Variants in CSNK1G1 observed in about 807,000 individuals in gnomAD.
CSNK1G1 encodes casein kinase I isoform gamma-1.
CSNK1G1 carries 22 observed loss-of-function variants against 59.6 expected under a neutral mutation model. That is an observed-to-expected ratio of 0.37 (90% CI 0.26 to 0.53). CSNK1G1 has a LOEUF of 0.53. Ranked by LOEUF, CSNK1G1 falls within the 20% of genes least tolerant of loss-of-function variation. The probability of loss-of-function intolerance (pLI) is 0.89; values close to 1 mark genes in which losing one functional copy is unlikely to be tolerated. For synonymous variants in CSNK1G1, 179 were observed against 177.1 expected (o/e 1.01, Z -0.08); for missense variants, 384 against 519.5 (o/e 0.74, Z 2.54).
At chr15:64,231,545 G>A (rs1309181031) in intron 4 of CSNK1G1, among the ~76,000 whole-genome samples, 2 of 151,238 alleles carry the variant, frequency 1.3e-5, no homozygotes, top group African/African-American at 4.9e-5. Context: ...ACCCAAGTGG[G>A]ATGCTCAAGA....
At chr15:64,339,479 A>C (rs1393162082) in intron 1 of CSNK1G1, among the ~76,000 whole-genome samples, 2 of 152,010 alleles carry the variant, frequency 1.3e-5, no homozygotes, top group East Asian at 1.9e-4. Context: ...CGCCCGGCTA[A>C]TTTCTGTATT....
intron 2 of CSNK1G1, among the ~76,000 whole-genome samples, chr15:64,278,434 T>A (rs571618485): frequency 0.015 from 1,975 of 130,142 alleles, 21 homozygotes; most frequent in Non-Finnish European, 0.019. Context: ...ATATATATAT[T>A]TTTTTTTTTT....
chr15:64,279,443 C>G (rs974457293), intron 2 of CSNK1G1, among the ~76,000 whole-genome samples: 1 of 152,126 alleles, frequency 6.6e-6, no homozygotes, highest in African/African-American at 2.4e-5. Context: ...CATGCACTTT[C>G]TTGCATGCAT....
chr15:64,231,896 T>A (rs2140292981), intron 4 of CSNK1G1, among the ~76,000 whole-genome samples: 1 of 152,290 alleles, frequency 6.6e-6, no homozygotes, highest in East Asian at 1.9e-4. Flanking sequence ...GCTCAGTAAA[T>A]ATTACATTTT....
chr15:64,299,198 G>T (rs539730340), intron 2 of CSNK1G1, among the ~76,000 whole-genome samples: 2 of 151,614 alleles, frequency 1.3e-5, no homozygotes, highest in South Asian at 4.2e-4. Context: ...TAGCCTAAAA[G>T]ATGACCTTTC....
intron 2 of CSNK1G1, among the ~76,000 whole-genome samples, chr15:64,262,758 T>C (rs1370242581): frequency 2.0e-5 from 3 of 152,162 alleles, no homozygotes; most frequent in Non-Finnish European, 4.4e-5. Flanking sequence ...TACTATATTA[T>C]AGAAATTGTG....
At chr15:64,283,057 G>A (rs1482253378) in intron 2 of CSNK1G1, among the ~76,000 whole-genome samples, 1 of 152,156 alleles carries the variant, frequency 6.6e-6, no homozygotes, top group Non-Finnish European at 1.5e-5. Flanking sequence ...ATAGGGTGCA[G>A]TGTACACTGC....
At chr15:64,250,090 C>A (rs1317597126) in intron 4 of CSNK1G1, among the ~76,000 whole-genome samples, 1 of 152,108 alleles carries the variant, frequency 6.6e-6, no homozygotes, top group African/African-American at 2.4e-5. Flanking sequence ...AATAACTTAA[C>A]AACATTATAA....
At position 64,204,706 on chromosome 15, in the gene CSNK1G1, T is replaced by A. The variant is rs191257409; in HGVS notation, c.851-117A>T. ...TACAGACAATTTGACACTGATGTTT[T>A]CTTTACTGACAAAATAAAAGTGATA... On this transcript the variant is annotated intron_variant, in intron 8 of 11. Transcript: ENST00000303052. 2.4e-6 allele frequency: 3 copies of A among 1,257,658 alleles called. No homozygotes were observed. In the African/African-American group the frequency reaches 4.5e-5, roughly 19 times the overall value. The allele number at this position is 1,257,658 out of a possible 1,614,324, so 77.9% of individuals were successfully genotyped here. A position where few individuals can be genotyped will look rare whatever the true frequency, so the allele number is the denominator to read the frequency against.
chr15:64,210,960 C>G lies in CSNK1G1; in HGVS notation c.679+2930G>C, dbSNP rs922006955. Among the ~76,000 whole-genome samples, 66 of 152,298 alleles carry G rather than the reference C, an allele frequency of 4.3e-4. No individual in the cohort carries two copies. Among genetic ancestry groups the G allele is most frequent in the African/African-American group, 1.5e-3 (62 of 41,554 alleles). ...CCCCTTCCCATGTGATCTGCACATG[C>G]TGGCTGCTCCCCTTCCCCTTACACC... is the stretch of plus-strand genomic sequence containing the variant. On this transcript the variant is annotated intron_variant, in intron 6 of 11. Coordinates refer to ENST00000303052, the MANE Select transcript of CSNK1G1 (RefSeq NM_022048.5). This position sits in a 1 kb window ranked among gnomAD's most constrained non-coding sequence, Gnocchi z 4.2.
Position 64,180,441 on chromosome 15 carries a change from G to A in CSNK1G1, c.1121C>T (p.Thr374Ile), listed in dbSNP as rs1474962025. The A allele has an allele frequency of 6.2e-7, 1 of 1,613,950 alleles. No homozygotes were observed. The highest frequency in any genetic ancestry group is 1.7e-5 in the Admixed American group (1 of 60,014). The change falls in exon 11 of 12, where the codon ACC becomes ATC. Residue 374 changes from threonine (T) to isoleucine (I), a missense_variant. Around this residue, in one of 3 missense-constraint regions of CSNK1G1, gnomAD observed 325 missense variants for 440.9 expected, o/e 0.74. Coordinates refer to ENST00000303052, the MANE Select transcript of CSNK1G1 (RefSeq NM_022048.5). ...QPLRNQVVSS[T>I]NGELNVDDPT... ...ATCATCAACATTCAGCTCTCCATTG[G>A]TTGAGCTAACCACCTGAAACAGAAA...
At chr15:64,207,009 G>C (rs1381836731) in intron 7 of CSNK1G1, among the ~76,000 whole-genome samples, 3 of 152,098 alleles carry the variant, frequency 2.0e-5, no homozygotes, top group African/African-American at 7.2e-5. Context: ...TACATACTGG[G>C]AACACTCCTC....
chr15:64,262,245 G>A (rs1485288302), intron 2 of CSNK1G1, among the ~76,000 whole-genome samples: 1 of 152,160 alleles, frequency 6.6e-6, no homozygotes, highest in Non-Finnish European at 1.5e-5. Flanking sequence ...GGTCTTGTAT[G>A]TGGTGGCTCA....
Position 64,300,691 on chromosome 15 carries a change from C to G in CSNK1G1, c.-192G>C, listed in dbSNP as rs1895279681. 3.9e-6 allele frequency: 5 copies of G among 1,269,052 alleles called. No individual in the cohort carries two copies. The South Asian group carries it at 1.3e-4, about 33-fold the overall frequency. 78.6% of individuals were successfully genotyped at this position (1,269,052 alleles called of 1,614,324 possible). A position where few individuals can be genotyped will look rare whatever the true frequency, so the allele number is the denominator to read the frequency against. ...TTTGTTCCCGTAGGAAATGTAGTCA[C>G]TAGGTCTCAATCTTAGGTGAACATC... On this transcript the variant is annotated 5_prime_UTR_variant, in exon 2 of 12. Coordinates refer to ENST00000303052, the MANE Select transcript of CSNK1G1 (RefSeq NM_022048.5).
intron 4 of CSNK1G1, among the ~76,000 whole-genome samples, chr15:64,218,916 G>A (rs1056411085): frequency 1.9e-4 from 27 of 141,490 alleles, no homozygotes; most frequent in South Asian, 4.8e-4. Flanking sequence ...GTGCACTGGC[G>A]CCATCTCGAC....
chr15:64,323,010 C>A (rs8025321), intron 1 of CSNK1G1, among the ~76,000 whole-genome samples: 146,823 of 151,868 alleles, frequency 0.97, 71,130 homozygotes, highest in East Asian at 1. Context: ...GTAGCTTCAA[C>A]CTCCTGGGCT....
chr15:64,282,469 T>C (rs1894194763), intron 2 of CSNK1G1, among the ~76,000 whole-genome samples: 1 of 152,120 alleles, frequency 6.6e-6, no homozygotes, highest in Non-Finnish European at 1.5e-5. Flanking sequence ...TTTCACCATG[T>C]TGACCAAGCT....
At chr15:64,259,285 T>C (rs1892560473) in intron 2 of CSNK1G1, 44 bp from the exon 3 acceptor site, 5 of 1,480,336 alleles carry the variant, frequency 3.4e-6, no homozygotes, top group Non-Finnish European at 4.6e-6. Context: ...ACATTTATTC[T>C]GGGAAAAGCA....
chr15:64,208,865 G>A (rs143123896), intron 6 of CSNK1G1, among the ~76,000 whole-genome samples: 1 of 151,600 alleles, frequency 6.6e-6, no homozygotes, highest in Admixed American at 6.6e-5. Context: ...TGCCAATTAT[G>A]GTTTAGTCTC....
Sources: allele counts gnomAD v4.1 joint callset (sites outside exome capture counted in the v4.1 genomes callset), GRCh38; gene constraint gnomAD v4.1.1; regional missense constraint gnomAD v4.1.1; non-coding constraint Gnocchi (gnomAD v3.1); transcripts MANE v1.5; gene names NCBI Gene and HGNC (gene_info 2026-07-23, HGNC 2026-07-21).